The following VWC2L variants were observed in gnomAD, a reference collection of about 807,000 sequenced individuals.
The protein encoded by VWC2L is von Willebrand factor C domain containing 2 like.
Under a neutral mutation model 21.6 loss-of-function variants are expected in VWC2L, and 10 were observed. The ratio of observed to expected loss-of-function variants is 0.46; its 90% CI spans 0.29 to 0.78. The LOEUF is 0.78. VWC2L is among the 30% of genes least tolerant of loss of function. The pLI is 0.10. For synonymous variants in VWC2L, 96 were observed against 94.3 expected (o/e 1.02, Z -0.10); for missense variants, 209 against 277.1 (o/e 0.75, Z 1.74).
At chr2:214,572,309 G>A (rs1690161611) in intron 3 of VWC2L, among the ~76,000 whole-genome samples, 1 of 152,108 alleles carries the variant, frequency 6.6e-6, no homozygotes, top group South Asian at 2.1e-4. Context: ...GAGAGTTATT[G>A]AGTTATTCCT....
In VWC2L at chr2:214,464,191, G is replaced by C. The variant is rs1048752459; in HGVS notation, c.520+27433G>C. On this transcript the variant is annotated intron_variant, in intron 3 of 3. Transcript: ENST00000312504. ...TCATTTGTTGAGGTCATGTTATCCT[G>C]GCTGGGCTTTATGCTTGTGGATGTT... Among the ~76,000 whole-genome samples, 7 of 152,014 alleles carry C rather than the reference G, an allele frequency of 4.6e-5. 1 individual carries two copies. Among genetic ancestry groups the C allele is most frequent in the African/African-American group, 1.2e-4 (5 of 41,400 alleles).
chr2:214,540,618 C>T (rs1000024065), intron 3 of VWC2L, among the ~76,000 whole-genome samples: 3 of 152,164 alleles, frequency 2.0e-5, no homozygotes, highest in Non-Finnish European at 4.4e-5. Flanking sequence ...TTATTCAATG[C>T]TAATGAACAG....
chr2:214,436,688 A>C lies in VWC2L; in HGVS notation c.450A>C (p.Ala150=). ...GCAATGAAGTTCACTGTGTTGTAGC[A>C]GACTGCGCAGTTCCTGAGTGTGTCA... ...EPSNEVHCVV[A]DCAVPECVNP... is the part of the protein sequence containing the mutation. The change falls in exon 3 of 4, where the codon GCA becomes GCC. Residue 150 remains alanine, a synonymous_variant. Coordinates refer to ENST00000312504, the MANE Select transcript of VWC2L (RefSeq NM_001080500.4). 6.2e-7 allele frequency: 1 copy of C among 1,613,480 alleles called. No individual in the cohort carries two copies. The highest frequency in any genetic ancestry group is 8.5e-7 in the Non-Finnish European group (1 of 1,179,494).
At chr2:214,501,395 T>G (rs1444562521) in intron 3 of VWC2L, among the ~76,000 whole-genome samples, 3 of 152,020 alleles carry the variant, frequency 2.0e-5, no homozygotes, top group African/African-American at 7.2e-5. Context: ...TACCCTTACG[T>G]GTACCTGCCC....
chr2:214,537,151 G>A (rs1056834728), intron 3 of VWC2L, among the ~76,000 whole-genome samples: 6 of 151,948 alleles, frequency 3.9e-5, no homozygotes, highest in African/African-American at 1.5e-4. Context: ...GTCAAACCTC[G>A]TGTGTCCACT....
At chr2:214,546,871 G>T (rs1170894604) in intron 3 of VWC2L, among the ~76,000 whole-genome samples, 1 of 152,084 alleles carries the variant, frequency 6.6e-6, no homozygotes, top group Non-Finnish European at 1.5e-5. Context: ...ACCCCAAAAA[G>T]GATGATACCC....
chr2:214,461,838 A>G (rs558635696), intron 3 of VWC2L, among the ~76,000 whole-genome samples: 49 of 152,210 alleles, frequency 3.2e-4, no homozygotes, highest in Non-Finnish European at 6.6e-4. Flanking sequence ...CAACCAGGAC[A>G]GTCGCAGTGG....
intron 3 of VWC2L, among the ~76,000 whole-genome samples, chr2:214,450,808 G>T (rs190939936): frequency 1.3e-5 from 2 of 152,172 alleles, no homozygotes; most frequent in African/African-American, 2.4e-5. Context: ...CTCAATGGCT[G>T]GTCTAATGAT....
chr2:214,436,876 G>C, intron 3 of VWC2L, 118 bp downstream of exon 3: 1 of 1,173,482 alleles, frequency 8.5e-7, no homozygotes, highest in South Asian at 1.6e-5. Context: ...TTTCAATATG[G>C]GCATGGCGGA....
At chr2:214,471,863 C>T (rs1703314274) in intron 3 of VWC2L, among the ~76,000 whole-genome samples, 1 of 152,146 alleles carries the variant, frequency 6.6e-6, no homozygotes, top group South Asian at 2.1e-4. Flanking sequence ...TTGCCAATGA[C>T]AGGAAACCCA....
At chr2:214,524,932 C>CTTTT (rs5838441) in intron 3 of VWC2L, among the ~76,000 whole-genome samples, 3 of 144,864 alleles carry the variant, frequency 2.1e-5, no homozygotes, top group African/African-American at 5.1e-5. Context: ...CTTTGGCTGG[C>CTTTT]TTTTTTTTTT....
intron 3 of VWC2L, among the ~76,000 whole-genome samples, chr2:214,522,279 G>A (rs1388887192): frequency 6.7e-6 from 1 of 150,252 alleles, no homozygotes; most frequent in Non-Finnish European, 1.5e-5. Flanking sequence ...GGAGGGTGAC[G>A]CAGGAGAATG....
chr2:214,504,259 C>A (rs1045587897), intron 3 of VWC2L, among the ~76,000 whole-genome samples: 2 of 152,074 alleles, frequency 1.3e-5, no homozygotes. Flanking sequence ...ACAGAAAATG[C>A]GAGATAGTTT....
chr2:214,462,401 G>A (rs958367593), intron 3 of VWC2L, among the ~76,000 whole-genome samples: 4 of 152,164 alleles, frequency 2.6e-5, no homozygotes, highest in Admixed American at 6.5e-5. Context: ...CTCCTTCCAA[G>A]CCTCAAGTGC....
chr2:214,444,287 T>A (rs193134501), intron 3 of VWC2L, among the ~76,000 whole-genome samples: 9 of 152,126 alleles, frequency 5.9e-5, no homozygotes, highest in Non-Finnish European at 1.2e-4. Context: ...GAAAGAGCTC[T>A]TAGAAATTGA....
At chr2:214,433,185 A>T (rs1402648045) in intron 2 of VWC2L, among the ~76,000 whole-genome samples, 1 of 141,930 alleles carries the variant, frequency 7.0e-6, no homozygotes, top group Non-Finnish European at 1.5e-5. Context: ...TATATATATT[A>T]TATATAAATA....
intron 2 of VWC2L, among the ~76,000 whole-genome samples, chr2:214,416,952 T>C: frequency 6.6e-6 from 1 of 152,156 alleles, no homozygotes; most frequent in East Asian, 1.9e-4. Flanking sequence ...CCTCTATGGC[T>C]TTGCCTACAT....
At chr2:214,479,238 A>G (rs993558414) in intron 3 of VWC2L, among the ~76,000 whole-genome samples, 5 of 152,190 alleles carry the variant, frequency 3.3e-5, no homozygotes, top group Non-Finnish European at 7.3e-5. Context: ...TCCCATCCTA[A>G]TATCTTTTAC....
At chr2:214,448,070 C>T (rs997855030) in intron 3 of VWC2L, among the ~76,000 whole-genome samples, 3 of 152,090 alleles carry the variant, frequency 2.0e-5, no homozygotes, top group Non-Finnish European at 2.9e-5. Context: ...TCACCACTGA[C>T]GAGTCCATTT....
Sources: gnomAD v4.1 joint callset for allele counts (sites outside exome capture counted in the v4.1 genomes callset) on GRCh38, gnomAD v4.1.1 for gene constraint, MANE v1.5 for transcripts, NCBI Gene and HGNC (gene_info 2026-07-23, HGNC 2026-07-21) for gene names.